Variants in TMEM184B observed in about 807,000 individuals in gnomAD.
TMEM184B encodes putative MAPK-activating protein FM08.
Under a neutral mutation model 41.8 loss-of-function variants are expected in TMEM184B, and 17 were observed. The observed-to-expected ratio is 0.41, with a 90% CI of 0.28 to 0.61. The LOEUF is 0.61. TMEM184B is among the 20% of genes least tolerant of loss of function. The pLI is 0.34. For synonymous variants in TMEM184B, 240 were observed against 229.5 expected (o/e 1.05, Z -0.41); for missense variants, 393 against 557.8 (o/e 0.70, Z 2.98).
At chr22:38,233,453 C>T (rs186924318) in intron 3 of TMEM184B, among the ~76,000 whole-genome samples, 4 of 152,316 alleles carry the variant, frequency 2.6e-5, no homozygotes, top group South Asian at 2.1e-4. Context: ...TTGGCTGTCA[C>T]GACCATTACC....
intron 1 of TMEM184B, among the ~76,000 whole-genome samples, chr22:38,255,363 G>A (rs1569047919): frequency 1.3e-5 from 2 of 151,138 alleles, no homozygotes; most frequent in Non-Finnish European, 1.5e-5. Flanking sequence ...TAGTAGTGAC[G>A]GGGTTTCACC....
rs116650853 is a variant in TMEM184B, at chr22:38,219,647, C to T, written c.*1822G>A. The T allele has an allele frequency of 6.9e-3, 6,808 of 985,490 alleles. 352 individuals are homozygous for T. In the African/African-American group the frequency reaches 0.11, roughly 16 times the overall value. 61.0% of individuals were successfully genotyped at this position (985,490 alleles called of 1,614,324 possible). On this transcript the variant is annotated 3_prime_UTR_variant, in exon 9 of 9. Transcript: ENST00000361906. The stretch of plus-strand genomic sequence containing the variant: ...CCGCTGATTCCCTGCCACTGAGCTC[C>T]CCCCACCCTCCACGCAAACAGCAAC...
downstream of TMEM184B, among the ~76,000 whole-genome samples, chr22:38,218,763 G>T (rs2091180398): frequency 6.6e-6 from 1 of 152,232 alleles, no homozygotes; most frequent in South Asian, 2.1e-4. Context: ...GCCTCGGGAG[G>T]CTGGTGGGAA....
chr22:38,249,995 A>G (rs893885688), intron 1 of TMEM184B, among the ~76,000 whole-genome samples: 18 of 152,362 alleles, frequency 1.2e-4, no homozygotes, highest in African/African-American at 4.3e-4. Flanking sequence ...CCCGCCAACC[A>G]GCCACGTGGG....
chr22:38,268,691 T>C (rs1430267596), intron 1 of TMEM184B, among the ~76,000 whole-genome samples: 1 of 152,262 alleles, frequency 6.6e-6, no homozygotes, highest in Admixed American at 6.5e-5. Context: ...CTCTTCCTTC[T>C]ACCTGGAGCC....
Position 38,225,501 on chromosome 22 carries a change from C to T in TMEM184B, c.710G>A (p.Arg237Gln), listed in dbSNP as rs751953201. The change falls in exon 7 of 9, where the codon CGG becomes CAG. Residue 237 changes from arginine to glutamine, a missense_variant. By Grantham distance (43) the Arg-to-Gln change is conservative. This residue lies in a region of TMEM184B where 271 missense variants were observed against 434.1 expected (regional missense o/e 0.62). Transcript: ENST00000361906. This position sits in a 1 kb window ranked among gnomAD's most constrained non-coding sequence, Gnocchi z 4.4. ...YALFLFYFATRELLSPYSPVL... is the reference protein window; with the variant it reads ...YALFLFYFATQELLSPYSPVL... ...GGGGCTGTAGGGGCTGAGCAGCTCC[C>T]GGGTGGCGAAGTAGAAGAGGAAGAG... is the stretch of plus-strand genomic sequence containing the variant. 8 of 1,597,266 alleles carry T rather than the reference C, an allele frequency of 5.0e-6. No individual in the cohort carries two copies. Among genetic ancestry groups the T allele is most frequent in the South Asian group, 3.4e-5 (3 of 89,290 alleles).
rs144460483 is a variant in TMEM184B, at chr22:38,224,899, C to T, written c.868G>A (p.Val290Met). Residue 290 changes from valine to methionine, a missense_variant, in exon 8 of 9, where the codon GTG (valine) becomes ATG (methionine). Around this residue, in one of 2 missense-constraint regions of TMEM184B, gnomAD observed 271 missense variants for 434.1 expected, o/e 0.62. Transcript: ENST00000361906. ...SARVSVGEGT[V>M]AAGYQDFIIC... ...ATGAAGTCCTGGTAGCCGGCAGCCA[C>T]GGTGCCCTCGCCCACCGACACGCGG... 17 of 1,613,340 alleles carry T rather than the reference C, an allele frequency of 1.1e-5. No individual in the cohort carries two copies. Among genetic ancestry groups the T allele is most frequent in the African/African-American group, 1.3e-5 (1 of 74,924 alleles).
intron 1 of TMEM184B, among the ~76,000 whole-genome samples, chr22:38,271,742 C>T: frequency 6.6e-6 from 1 of 152,220 alleles, no homozygotes; most frequent in Non-Finnish European, 1.5e-5. Flanking sequence ...GGCACACATA[C>T]CTGGCTGCTG....
At position 38,245,959 on chromosome 22, in the gene TMEM184B, C is replaced by A. The variant is rs759463834; in HGVS notation, c.334G>T (p.Gly112Cys). ...FTNDQYYVYF[G>C]TVRDCYEALV... ...CCCTCATAGCAGTCGCGGACGGTGCCGAAGTACACGTAGTACTGGTCGTTG... is the reference window on the plus strand; with the variant it reads ...CCCTCATAGCAGTCGCGGACGGTGCAGAAGTACACGTAGTACTGGTCGTTG... Residue 112 changes from glycine (G) to cysteine (C), a missense_variant, in exon 3 of 9, where the codon GGC becomes TGC. Transcript: ENST00000361906. 6.2e-7 allele frequency: 1 copy of A among 1,611,928 alleles called. No homozygotes were observed. Among genetic ancestry groups the A allele is most frequent in the African/African-American group, 1.3e-5 (1 of 74,856 alleles).
Position 38,219,428 on chromosome 22 carries a change from C to G in TMEM184B, c.*2041G>C. On this transcript the variant is annotated 3_prime_UTR_variant, in exon 9 of 9. Transcript: ENST00000361906. The stretch of plus-strand genomic sequence containing the variant: ...GGTGGAACTCATGGCAGTCATACAA[C>G]AAGATACAAAACTAGGAGACTCTGT... 1.0e-6 allele frequency: 1 copy of G among 985,620 alleles called. No homozygotes were observed. Among genetic ancestry groups the G allele is most frequent in the Non-Finnish European group, 1.2e-6 (1 of 829,896 alleles). 61.1% of individuals were successfully genotyped at this position (985,620 alleles called of 1,614,324 possible).
intron 1 of TMEM184B, among the ~76,000 whole-genome samples, chr22:38,261,062 C>T (rs981406958): frequency 5.9e-5 from 9 of 152,204 alleles, no homozygotes; most frequent in Non-Finnish European, 1.3e-4. Context: ...GAGCACTGTT[C>T]ATCTGAACTG....
At chr22:38,262,231 G>C (rs1455157290) in intron 1 of TMEM184B, among the ~76,000 whole-genome samples, 2 of 152,232 alleles carry the variant, frequency 1.3e-5, no homozygotes, top group East Asian at 3.9e-4. Flanking sequence ...GCCAAGGTGT[G>C]AGTGGTGACT....
At chr22:38,235,843 G>A (rs6001059) in intron 3 of TMEM184B, among the ~76,000 whole-genome samples, 1,727 of 152,332 alleles carry the variant, frequency 0.011, 35 homozygotes, top group African/African-American at 0.04. Flanking sequence ...TAAGAAGAGC[G>A]GAGAAGCTGA....
chr22:38,238,644 T>C (rs534027335), intron 3 of TMEM184B, among the ~76,000 whole-genome samples: 245 of 152,350 alleles, frequency 1.6e-3, no homozygotes, highest in African/African-American at 5.1e-3. Context: ...CCCTCGGCTG[T>C]GCTCACCCCG....
At position 38,219,623 on chromosome 22, in the gene TMEM184B, C is replaced by A. The variant is rs1252047972; in HGVS notation, c.*1846G>T. On this transcript the variant is annotated 3_prime_UTR_variant, in exon 9 of 9. Coordinates refer to ENST00000361906, the MANE Select transcript of TMEM184B (RefSeq NM_012264.5). ...TTCCCGTCCCCACGACCCCACGGAC[C>A]GCTGATTCCCTGCCACTGAGCTCCC... 2.0e-6 allele frequency: 2 copies of A among 985,374 alleles called. No homozygotes were observed. Among genetic ancestry groups the A allele is most frequent in the Non-Finnish European group, 1.2e-6 (1 of 829,936 alleles). The allele number at this position is 985,374 out of a possible 1,614,324, so 61.0% of individuals were successfully genotyped here. A position where few individuals can be genotyped will look rare whatever the true frequency, so the allele number is the denominator to read the frequency against.
chr22:38,262,630 A>T (rs1431015265), intron 1 of TMEM184B, among the ~76,000 whole-genome samples: 1 of 152,218 alleles, frequency 6.6e-6, no homozygotes, highest in African/African-American at 2.4e-5. Flanking sequence ...ACGTGAGCCA[A>T]TCGGAGCAAG....
intron 5 of TMEM184B, among the ~76,000 whole-genome samples, chr22:38,228,890 C>T (rs2091529754): frequency 6.6e-6 from 1 of 152,226 alleles, no homozygotes; most frequent in African/African-American, 2.4e-5. Context: ...ACAATATAAT[C>T]ATCAAACAAG....
chr22:38,259,497 C>G (rs76285716), intron 1 of TMEM184B, among the ~76,000 whole-genome samples: 61 of 152,268 alleles, frequency 4.0e-4, no homozygotes, highest in South Asian at 1.4e-3. Flanking sequence ...AAGAGGGCAG[C>G]GTGACAAAGG....
chr22:38,241,557 G>A (rs1400180328), intron 3 of TMEM184B, among the ~76,000 whole-genome samples: 1 of 151,468 alleles, frequency 6.6e-6, no homozygotes, highest in Non-Finnish European at 1.5e-5. Context: ...GCGGGGCATG[G>A]TGGTGGCACA....
Sources: allele counts gnomAD v4.1 joint callset (sites outside exome capture counted in the v4.1 genomes callset), GRCh38; gene constraint gnomAD v4.1.1; regional missense constraint gnomAD v4.1.1; non-coding constraint Gnocchi (gnomAD v3.1); transcripts MANE v1.5; gene names NCBI Gene and HGNC (gene_info 2026-07-23, HGNC 2026-07-21).